The following CAMK4 variants were observed in gnomAD, a reference collection of about 807,000 sequenced individuals.
The protein encoded by CAMK4 is calcium/calmodulin dependent protein kinase IV.
CAMK4 carries 22 observed loss-of-function variants against 44.9 expected under a neutral mutation model. The ratio of observed to expected loss-of-function variants is 0.49; its 90% CI spans 0.35 to 0.70. The LOEUF (loss-of-function observed/expected upper bound fraction) is 0.70, where lower values mean the gene tolerates loss of function less well. Ranked by LOEUF, CAMK4 falls within the 30% of genes least tolerant of loss-of-function variation. The probability of loss-of-function intolerance (pLI) is 0.01; values close to 1 mark genes in which losing one functional copy is unlikely to be tolerated. For missense variants in CAMK4, 498 were observed against 586.8 expected (o/e 0.85, Z 1.56); for synonymous variants, 218 against 215.4 (o/e 1.01, Z -0.11).
In CAMK4 at chr5:111,492,494, C is replaced by T. The variant is rs1392492922; in HGVS notation, c.*8028C>T. ...ATGTAGATTAGGATTCCACATTCTC[C>T]CCTGCCCATCTTCTTGATTGCTCAG... On this transcript the variant is annotated 3_prime_UTR_variant, in exon 11 of 11. Transcript: ENST00000282356. The T allele has an allele frequency of 6.6e-6, 1 of 152,134 alleles. No individual in the cohort carries two copies. Among genetic ancestry groups the T allele is most frequent in the African/African-American group, 2.4e-5 (1 of 41,432 alleles). 9.4% of individuals were successfully genotyped at this position (152,134 alleles called of 1,614,324 possible).
At chr5:111,467,397 A>G (rs889208770) in intron 7 of CAMK4, among the ~76,000 whole-genome samples, 57 of 119,876 alleles carry the variant, frequency 4.8e-4, no homozygotes, top group East Asian at 1.6e-3. Context: ...AAAAAAAAAA[A>G]GCAGAGTAAA....
intron 9 of CAMK4, among the ~76,000 whole-genome samples, chr5:111,480,303 T>C (rs1180923627): frequency 1.0e-5 from 1 of 98,318 alleles, no homozygotes; most frequent in East Asian, 2.3e-4. Flanking sequence ...TGGGTAACTC[T>C]TATTCTCAAG....
chr5:111,432,128 A>G (rs553161664), intron 5 of CAMK4, among the ~76,000 whole-genome samples: 2 of 152,296 alleles, frequency 1.3e-5, no homozygotes, highest in East Asian at 3.9e-4. Flanking sequence ...AGATGACTGG[A>G]TAAAGAAAAT....
At chr5:111,244,345 C>T (rs1749139330) in intron 1 of CAMK4, among the ~76,000 whole-genome samples, 1 of 152,020 alleles carries the variant, frequency 6.6e-6, no homozygotes, top group South Asian at 2.1e-4. Context: ...ATATTTTATA[C>T]TTGTCTTCAT....
intron 5 of CAMK4, among the ~76,000 whole-genome samples, chr5:111,395,113 G>A (rs1353335506): frequency 6.7e-6 from 1 of 149,560 alleles, no homozygotes; most frequent in Admixed American, 6.8e-5. Context: ...AGGGGCTGAA[G>A]CACAAGAATT....
intron 2 of CAMK4, among the ~76,000 whole-genome samples, chr5:111,354,979 C>A (rs1750274126): frequency 6.6e-6 from 1 of 152,096 alleles, no homozygotes; most frequent in Non-Finnish European, 1.5e-5. Flanking sequence ...ATGGATGGTT[C>A]AATCTGGATG....
chr5:111,364,365 G>A (rs1013747414), intron 2 of CAMK4, among the ~76,000 whole-genome samples: 2 of 152,098 alleles, frequency 1.3e-5, no homozygotes, highest in African/African-American at 4.8e-5. Context: ...ACCTCTTTCT[G>A]TTGAGAGTCG....
chr5:111,330,131 A>G (rs1370980531), intron 1 of CAMK4, among the ~76,000 whole-genome samples: 1 of 147,168 alleles, frequency 6.8e-6, no homozygotes, highest in Admixed American at 6.8e-5. Context: ...ACTCTAGAAG[A>G]CTAGTAAGTT....
chr5:111,445,893 T>C lies in CAMK4; in HGVS notation c.460-793T>C, dbSNP rs531618280. 1.8e-4 allele frequency among the ~76,000 whole-genome samples: 28 copies of C among 152,306 alleles called. No individual in the cohort carries two copies. In the South Asian group the frequency reaches 5.4e-3, roughly 29 times the overall value. On this transcript the variant is annotated intron_variant, in intron 5 of 10. Coordinates refer to ENST00000282356, the MANE Select transcript of CAMK4 (RefSeq NM_001744.6). ...CATAGAAAAAATGTTCAAACAAACT[T>C]TTTGGGAAAAAACGTTTCAAACTGA...
intron 5 of CAMK4, among the ~76,000 whole-genome samples, chr5:111,435,709 A>T (rs960916179): frequency 6.6e-6 from 1 of 152,118 alleles, no homozygotes; most frequent in African/African-American, 2.4e-5. Flanking sequence ...ATTGTAGATC[A>T]TTTTTGAACC....
intron 7 of CAMK4, among the ~76,000 whole-genome samples, chr5:111,465,063 A>G (rs763039407): frequency 3.9e-5 from 6 of 152,188 alleles, no homozygotes; most frequent in Non-Finnish European, 7.3e-5. Flanking sequence ...GCCTTGCAAC[A>G]TCCATTCACA....
intron 2 of CAMK4, among the ~76,000 whole-genome samples, chr5:111,356,073 A>G (rs1383350422): frequency 4.2e-4 from 48 of 114,604 alleles, no homozygotes; most frequent in East Asian, 1.6e-3. Context: ...CTGAGGAATC[A>G]CCACACTGAC....
At chr5:111,224,106 G>A (rs571137042), upstream of CAMK4, 1 of 181,220 alleles carries the variant, frequency 5.5e-6, no homozygotes, top group East Asian at 1.8e-4. The surrounding 1 kb of genome is among the most constrained non-coding windows in gnomAD (Gnocchi z 5.7). Flanking sequence ...ATCCGGAGCC[G>A]CCCTAGCCGG....
intron 2 of CAMK4, among the ~76,000 whole-genome samples, chr5:111,356,532 C>T (rs2112786335): frequency 6.6e-6 from 1 of 152,346 alleles, no homozygotes; most frequent in South Asian, 2.1e-4. Context: ...TCAATTTTGG[C>T]TTTTGTTACC....
At chr5:111,478,332 A>G (rs369453451) in intron 8 of CAMK4, 49 bp from the exon 9 acceptor site, 33 of 1,234,910 alleles carry the variant, frequency 2.7e-5, no homozygotes, top group Non-Finnish European at 3.5e-5. Context: ...TGGATGAAAT[A>G]TACTTGAGCT....
At position 111,440,047 on chromosome 5, in the gene CAMK4, A is replaced by G. The variant is rs532061208; in HGVS notation, c.460-6639A>G. ...ACTAGAATAGGAAATAATTGAGTATAGCCAGAGAAAGCTGGGAATATGTGG... is the reference window on the plus strand; with the variant it reads ...ACTAGAATAGGAAATAATTGAGTATGGCCAGAGAAAGCTGGGAATATGTGG... On this transcript the variant is annotated intron_variant, in intron 5 of 10. Coordinates refer to ENST00000282356, the MANE Select transcript of CAMK4 (RefSeq NM_001744.6). Among the ~76,000 whole-genome samples the G allele has an allele frequency of 2.0e-5, 3 of 152,362 alleles. No individual in the cohort carries two copies. The East Asian group carries it at 5.8e-4, about 29-fold the overall frequency.
At chr5:111,239,740 G>A (rs566854994) in intron 1 of CAMK4, among the ~76,000 whole-genome samples, 27 of 152,254 alleles carry the variant, frequency 1.8e-4, no homozygotes, top group African/African-American at 5.8e-4. Flanking sequence ...AGATATTATC[G>A]ATATTAATTC....
chr5:111,410,113 C>T (rs984208845), intron 5 of CAMK4, among the ~76,000 whole-genome samples: 1 of 152,288 alleles, frequency 6.6e-6, no homozygotes, highest in African/African-American at 2.4e-5. Context: ...TACAGAAGTG[C>T]CCTTCTACCT....
chr5:111,254,656 A>C (rs987087825), intron 1 of CAMK4, among the ~76,000 whole-genome samples: 3 of 151,960 alleles, frequency 2.0e-5, no homozygotes, highest in Non-Finnish European at 4.4e-5. Flanking sequence ...CATCCCATCT[A>C]CTCCTGAGTA....
Sources: gnomAD v4.1 joint callset for allele counts (sites outside exome capture counted in the v4.1 genomes callset) on GRCh38, gnomAD v4.1.1 for gene constraint, Gnocchi (gnomAD v3.1) non-coding constraint, MANE v1.5 for transcripts, NCBI Gene and HGNC (gene_info 2026-07-23, HGNC 2026-07-21) for gene names.